GRM8: variants seen among roughly 807,000 people sequenced by gnomAD.
GRM8 encodes the protein glutamate metabotropic receptor 8.
In GRM8, 47 loss-of-function variants were observed where a neutral mutation model predicts 87.2. That is an observed-to-expected ratio of 0.54 (90% CI 0.43 to 0.69). GRM8 has a LOEUF of 0.69. Ranked by LOEUF, GRM8 falls within the 30% of genes least tolerant of loss-of-function variation. GRM8 has a pLI of 0.00. For synonymous variants in GRM8, 396 were observed against 404.5 expected, an observed-to-expected ratio of 0.98 and a Z score of 0.25; for missense variants, 1,019 against 1,139.2, an observed-to-expected ratio of 0.89 and a Z score of 1.52.
At chr7:126,552,026 CT>C in intron 8 of GRM8, among the ~76,000 whole-genome samples, 1 of 152,066 alleles carries the variant, frequency 6.6e-6, no homozygotes, top group Non-Finnish European at 1.5e-5. Context: ...TTGTATTCAT[CT>C]TCTTTTACAT....
intron 3 of GRM8, chr7:127,058,116 G>A (rs1414578610): frequency 5.8e-6 from 3 of 515,434 alleles, no homozygotes; most frequent in East Asian, 5.8e-5. Context: ...ATGATGTTGC[G>A]TCACCACGTG....
intron 2 of GRM8, among the ~76,000 whole-genome samples, chr7:127,146,791 G>T (rs1828577557): frequency 6.6e-6 from 1 of 151,938 alleles, no homozygotes; most frequent in Non-Finnish European, 1.5e-5. Flanking sequence ...ATTAAAATTT[G>T]GTAGTCATTC....
At chr7:126,941,309 T>C (rs1232720336) in intron 3 of GRM8, among the ~76,000 whole-genome samples, 1 of 151,970 alleles carries the variant, frequency 6.6e-6, no homozygotes, top group Non-Finnish European at 1.5e-5. Context: ...AAAATATACT[T>C]ATTTGAAAGT....
intron 7 of GRM8, among the ~76,000 whole-genome samples, chr7:126,764,553 T>C (rs1417594573): frequency 6.6e-6 from 1 of 152,092 alleles, no homozygotes; most frequent in Admixed American, 6.6e-5. Context: ...TCTCAAATTG[T>C]ATATTTGGAA....
At chr7:126,596,818 C>T (rs550151662) in intron 8 of GRM8, among the ~76,000 whole-genome samples, 16 of 152,076 alleles carry the variant, frequency 1.1e-4, no homozygotes, top group South Asian at 2.1e-4. Flanking sequence ...ATCCTAGTTG[C>T]GATACTGTAC....
At chr7:127,103,669 A>G (rs1423948710) in intron 3 of GRM8, among the ~76,000 whole-genome samples, 1 of 152,188 alleles carries the variant, frequency 6.6e-6, no homozygotes, top group Admixed American at 6.5e-5. Context: ...TCTATGTCAA[A>G]CCTTCCAATT....
At chr7:126,439,627 A>G (rs530635297) in intron 10 of GRM8, among the ~76,000 whole-genome samples, 2 of 152,132 alleles carry the variant, frequency 1.3e-5, no homozygotes, top group Admixed American at 6.6e-5. Flanking sequence ...TTTAAAGTAG[A>G]CTTCTTCTAC....
intron 3 of GRM8, among the ~76,000 whole-genome samples, chr7:127,101,980 T>C (rs1434827334): frequency 2.6e-5 from 4 of 152,178 alleles, no homozygotes; most frequent in Admixed American, 1.3e-4. Context: ...CAGATGGAAA[T>C]GAGGGACTTA....
intron 2 of GRM8, among the ~76,000 whole-genome samples, chr7:127,216,214 G>A (rs749207297): frequency 3.9e-5 from 6 of 152,076 alleles, no homozygotes; most frequent in Non-Finnish European, 8.8e-5. Flanking sequence ...GAGATTGCCT[G>A]GAGCATTGTA....
At chr7:126,771,563 G>T (rs140192429) in intron 6 of GRM8, among the ~76,000 whole-genome samples, 9 of 151,190 alleles carry the variant, frequency 6.0e-5, no homozygotes, top group Non-Finnish European at 1.2e-4. Flanking sequence ...AATATAAATC[G>T]GACTATAAAA....
intron 9 of GRM8, among the ~76,000 whole-genome samples, chr7:126,461,113 T>C (rs1202817518): frequency 6.6e-6 from 1 of 151,422 alleles, no homozygotes; most frequent in Non-Finnish European, 1.5e-5. Flanking sequence ...ACAACCTTCT[T>C]AGGTCCTGAA....
intron 9 of GRM8, among the ~76,000 whole-genome samples, chr7:126,499,252 C>T (rs1412485952): frequency 4.6e-5 from 7 of 151,296 alleles, no homozygotes; most frequent in Admixed American, 4.6e-4. Context: ...TAACAAACCA[C>T]AATGAGATGT....
intron 6 of GRM8, among the ~76,000 whole-genome samples, chr7:126,826,064 G>A (rs1794757889): frequency 6.6e-6 from 1 of 152,026 alleles, no homozygotes; most frequent in African/African-American, 2.4e-5. Flanking sequence ...CATTTTTTAT[G>A]GCTGCATAGT....
intron 6 of GRM8, among the ~76,000 whole-genome samples, chr7:126,817,266 C>T (rs1477436332): frequency 6.6e-6 from 1 of 152,136 alleles, no homozygotes; most frequent in Admixed American, 6.6e-5. Flanking sequence ...TACCTACCTT[C>T]ACTACCTTTG....
intron 3 of GRM8, among the ~76,000 whole-genome samples, chr7:127,029,536 A>G (rs1283152781): frequency 1.3e-5 from 2 of 152,138 alleles, no homozygotes; most frequent in Non-Finnish European, 2.9e-5. Context: ...GTGCATATAT[A>G]TTTAGGATAG....
At chr7:126,493,614 T>A (rs17149848) in intron 9 of GRM8, among the ~76,000 whole-genome samples, 4,247 of 152,086 alleles carry the variant, frequency 0.028, 164 homozygotes, top group African/African-American at 0.079. Flanking sequence ...CTGCGCTACC[T>A]TTGACTAACG....
intron 6 of GRM8, among the ~76,000 whole-genome samples, chr7:126,795,379 AG>A (rs1821846851): frequency 6.6e-6 from 1 of 152,140 alleles, no homozygotes; most frequent in African/African-American, 2.4e-5. Context: ...ACTGATTTTT[AG>A]GTAAGTTTAT....
chr7:127,044,144 C>T (rs1818707133), intron 3 of GRM8, among the ~76,000 whole-genome samples: 1 of 152,156 alleles, frequency 6.6e-6, no homozygotes, highest in African/African-American at 2.4e-5. Context: ...CAGAGCTCAC[C>T]AGATACTGCC....
At chr7:126,991,345 G>T (rs1159592134) in intron 3 of GRM8, among the ~76,000 whole-genome samples, 1 of 152,174 alleles carries the variant, frequency 6.6e-6, no homozygotes, top group Non-Finnish European at 1.5e-5. Flanking sequence ...ACTTCAACAA[G>T]ATCATCACTC....
Sources: allele counts gnomAD v4.1 joint callset (sites outside exome capture counted in the v4.1 genomes callset), GRCh38; gene constraint gnomAD v4.1.1; transcripts MANE v1.5; gene names NCBI Gene and HGNC (gene_info 2026-07-23, HGNC 2026-07-21).